PTH2R: variants seen among roughly 807,000 people sequenced by gnomAD.
PTH2R encodes the protein parathyroid hormone 2 receptor.
Under a neutral mutation model 60.3 loss-of-function variants are expected in PTH2R, and 59 were observed. That is an observed-to-expected ratio of 0.98 (90% CI 0.79 to 1.22). The LOEUF (loss-of-function observed/expected upper bound fraction) is 1.22. Among genes scored for constraint, PTH2R ranks in the 50% most tolerant of loss-of-function variants. The pLI is 0.00. For missense variants in PTH2R, 749 were observed against 682.6 expected (o/e 1.10, Z -1.08); for synonymous variants, 256 against 243.8 (o/e 1.05, Z -0.47).
In PTH2R at chr2:208,461,146, C is replaced by T. The variant is rs1287138235; in HGVS notation, c.981+1185C>T. 2.0e-5 allele frequency among the ~76,000 whole-genome samples: 3 copies of T among 152,206 alleles called. No homozygotes were observed. The South Asian group carries it at 6.2e-4, about 32-fold the overall frequency. On this transcript the variant is annotated intron_variant, in intron 9 of 12. Transcript: ENST00000272847. ...GAAGCTATTTTGTATCCTTGCTAAA[C>T]CATCCTATTAACAAATTGGTCCCAA...
chr2:208,375,546 A>G (rs1250673517), intron 1 of PTH2R, among the ~76,000 whole-genome samples: 1 of 152,152 alleles, frequency 6.6e-6, no homozygotes, highest in Non-Finnish European at 1.5e-5. Context: ...GGAACTTGAC[A>G]TGCTTGTTTT....
intron 11 of PTH2R, 133 bp downstream of exon 11, chr2:208,489,283 G>T: frequency 8.9e-7 from 1 of 1,120,292 alleles, no homozygotes; most frequent in South Asian, 1.6e-5. Context: ...GTGCAGAAAG[G>T]TCAATATTTC....
At chr2:208,380,045 C>T (rs1167811621) in intron 1 of PTH2R, among the ~76,000 whole-genome samples, 1 of 152,014 alleles carries the variant, frequency 6.6e-6, no homozygotes, top group African/African-American at 2.4e-5. Context: ...CCCCAGGAGC[C>T]AAGGAATTCT....
intron 1 of PTH2R, among the ~76,000 whole-genome samples, chr2:208,395,521 T>G (rs1248297213): frequency 1.3e-5 from 2 of 152,184 alleles, no homozygotes. Context: ...AAGAACTCTG[T>G]TCCTAGAAGA....
intron 1 of PTH2R, among the ~76,000 whole-genome samples, chr2:208,393,966 G>A (rs934092856): frequency 3.3e-5 from 5 of 152,148 alleles, no homozygotes; most frequent in Admixed American, 6.5e-5. Context: ...TAGCTGTCTC[G>A]GATTACTCCT....
chr2:208,373,067 C>A (rs1700731868), intron 1 of PTH2R, among the ~76,000 whole-genome samples: 2 of 152,092 alleles, frequency 1.3e-5, no homozygotes, highest in South Asian at 4.1e-4. Context: ...GCATGGGTGA[C>A]AGAGTGAGAC....
chr2:208,472,849 AG>A (rs1415100699), intron 9 of PTH2R, among the ~76,000 whole-genome samples: 2 of 151,892 alleles, frequency 1.3e-5, no homozygotes, highest in Non-Finnish European at 1.5e-5. Context: ...ATAACTTTTA[AG>A]TAGGTATTTT....
chr2:208,427,493 T>TA (rs201731225), intron 1 of PTH2R, among the ~76,000 whole-genome samples: 218 of 149,916 alleles, frequency 1.5e-3, no homozygotes, highest in African/African-American at 4.6e-3. Flanking sequence ...TCTCATTTTC[T>TA]AAAAAAAAAA....
chr2:208,450,903 C>A, intron 8 of PTH2R, 94 bp downstream of exon 8: 2 of 1,390,890 alleles, frequency 1.4e-6, no homozygotes, highest in East Asian at 2.3e-5. Flanking sequence ...GTTCTTGATG[C>A]CATTGCTTTT....
intron 11 of PTH2R, 120 bp from the exon 12 acceptor site, chr2:208,490,519 A>G: frequency 1.2e-6 from 1 of 817,408 alleles, no homozygotes; most frequent in Non-Finnish European, 2.0e-6. Context: ...AATAATTTGT[A>G]TATAATTCTC....
rs1702252611 is a variant in PTH2R, at chr2:208,444,674, G to C, written c.700-60G>C. ...AAGACTTGTTTTTTAGTGGTCTAAT[G>C]TTGGCATCCAGTACAACAAAGTGTT... On this transcript the variant is annotated intron_variant, in intron 6 of 12. Coordinates refer to ENST00000272847, the MANE Select transcript of PTH2R (RefSeq NM_005048.4). The C allele has an allele frequency of 5.9e-6, 9 of 1,515,502 alleles. No individual in the cohort carries two copies. In the South Asian group the frequency reaches 1.1e-4, roughly 19 times the overall value. 93.9% of individuals were successfully genotyped at this position (1,515,502 alleles called of 1,614,324 possible).
chr2:208,477,340 G>C (rs1703027842), intron 9 of PTH2R, among the ~76,000 whole-genome samples: 1 of 152,174 alleles, frequency 6.6e-6, no homozygotes, highest in Admixed American at 6.5e-5. Flanking sequence ...AAACGATCCA[G>C]GCAAAGAAAA....
chr2:208,462,089 C>A (rs1702646129), intron 9 of PTH2R, among the ~76,000 whole-genome samples: 1 of 152,138 alleles, frequency 6.6e-6, no homozygotes, highest in South Asian at 2.1e-4. Context: ...TAAGAGTTAC[C>A]TTTTTGTTTC....
At chr2:208,374,311 T>C (rs1345747921) in intron 1 of PTH2R, among the ~76,000 whole-genome samples, 1 of 152,084 alleles carries the variant, frequency 6.6e-6, no homozygotes, top group African/African-American at 2.4e-5. Context: ...ACTTCTGTTT[T>C]ACTTACTCTA....
intron 1 of PTH2R, among the ~76,000 whole-genome samples, chr2:208,372,469 T>C (rs1700719041): frequency 6.6e-6 from 1 of 152,090 alleles, no homozygotes; most frequent in South Asian, 2.1e-4. Flanking sequence ...TTTGTAATAA[T>C]ATACCCTAAG....
intron 9 of PTH2R, chr2:208,469,834 C>G (rs1702841555): frequency 6.6e-6 from 1 of 152,108 alleles, no homozygotes; most frequent in African/African-American, 2.4e-5. Context: ...AACAAAAGAA[C>G]GTGATGCTTT....
upstream of PTH2R, among the ~76,000 whole-genome samples, chr2:208,402,938 G>C (rs886544993): frequency 2.0e-5 from 3 of 152,186 alleles, no homozygotes; most frequent in African/African-American, 7.2e-5. Context: ...CTAAGCTGAA[G>C]TCTTCACTGG....
intron 1 of PTH2R, among the ~76,000 whole-genome samples, chr2:208,374,438 G>T (rs758397246): frequency 2.6e-5 from 4 of 152,048 alleles, no homozygotes; most frequent in Non-Finnish European, 5.9e-5. Flanking sequence ...GTCATCTTTG[G>T]TTTAGCACTT....
At chr2:208,440,794 A>G (rs1702166290) in intron 4 of PTH2R, among the ~76,000 whole-genome samples, 1 of 152,210 alleles carries the variant, frequency 6.6e-6, no homozygotes, top group African/African-American at 2.4e-5. Flanking sequence ...CCACCAGGCA[A>G]TTCTTTGCCG....
Sources: allele counts gnomAD v4.1 joint callset (sites outside exome capture counted in the v4.1 genomes callset), GRCh38; gene constraint gnomAD v4.1.1; transcripts MANE v1.5; gene names NCBI Gene and HGNC (gene_info 2026-07-23, HGNC 2026-07-21).